The following CHN1 variants were observed in gnomAD, a reference collection of about 807,000 sequenced individuals.
CHN1 encodes chimerin 1.
A neutral mutation model predicts 59.5 loss-of-function variants in CHN1; 37 were observed. That is an observed-to-expected ratio of 0.62 (90% CI 0.48 to 0.82). The LOEUF (loss-of-function observed/expected upper bound fraction) is 0.82. CHN1 is among the 40% of genes least tolerant of loss of function. The probability of loss-of-function intolerance (pLI) is 0.00; values close to 1 mark genes in which losing one functional copy is unlikely to be tolerated. For synonymous variants in CHN1, 206 were observed against 200.4 expected (o/e 1.03, Z -0.24); for missense variants, 469 against 571.0 (o/e 0.82, Z 1.82).
At chr2:174,803,049 TA>T (rs772677989) in intron 11 of CHN1, among the ~76,000 whole-genome samples, 1 of 151,544 alleles carries the variant, frequency 6.6e-6, no homozygotes, top group African/African-American at 2.4e-5. Context: ...GGGGGGGAAT[TA>T]AAAAAAGGTG....
At chr2:174,941,023 T>C (rs997036779) in intron 3 of CHN1, among the ~76,000 whole-genome samples, 6 of 152,170 alleles carry the variant, frequency 3.9e-5, no homozygotes, top group African/African-American at 1.2e-4. Flanking sequence ...CAAAGTGAGT[T>C]TTTTTTAATT....
At chr2:174,987,107 A>G (rs1691374658) in intron 1 of CHN1, among the ~76,000 whole-genome samples, 1 of 152,214 alleles carries the variant, frequency 6.6e-6, no homozygotes, top group Non-Finnish European at 1.5e-5. Context: ...TACAATACAT[A>G]TAACACAAAA....
chr2:174,810,735 CCT>C (rs1338904691), intron 10 of CHN1, among the ~76,000 whole-genome samples: 1 of 152,204 alleles, frequency 6.6e-6, no homozygotes, highest in Non-Finnish European at 1.5e-5. Context: ...TTGCTTTCTG[CCT>C]CTGTTGCCTA....
At chr2:174,993,945 C>T (rs1011639589) in intron 1 of CHN1, among the ~76,000 whole-genome samples, 1 of 152,092 alleles carries the variant, frequency 6.6e-6, no homozygotes, top group Non-Finnish European at 1.5e-5. Context: ...CTGTAGCAGA[C>T]AAATTAATGA....
intron 6 of CHN1, among the ~76,000 whole-genome samples, chr2:174,873,338 G>A (rs1687467824): frequency 6.6e-6 from 1 of 152,060 alleles, no homozygotes; most frequent in Admixed American, 6.6e-5. Flanking sequence ...CATGAACAAG[G>A]AATGACAAAA....
chr2:174,820,701 G>A (rs13019245), intron 8 of CHN1, among the ~76,000 whole-genome samples: 6,035 of 152,234 alleles, frequency 0.04, 164 homozygotes, highest in Middle Eastern at 0.078. Flanking sequence ...TCATCGCTGC[G>A]GTGTGCTTAG....
At chr2:174,919,606 T>C (rs894284540) in intron 3 of CHN1, among the ~76,000 whole-genome samples, 2 of 152,222 alleles carry the variant, frequency 1.3e-5, no homozygotes, top group Non-Finnish European at 2.9e-5. Context: ...TCACTTTATT[T>C]TTCTGGGCAA....
chr2:174,994,977 C>T (rs1303669540), intron 1 of CHN1, among the ~76,000 whole-genome samples: 1 of 152,072 alleles, frequency 6.6e-6, no homozygotes, highest in Non-Finnish European at 1.5e-5. Context: ...CGATTACAGA[C>T]TCTCATATAA....
At chr2:174,894,958 C>A (rs1016166641) in intron 5 of CHN1, among the ~76,000 whole-genome samples, 1 of 151,968 alleles carries the variant, frequency 6.6e-6, no homozygotes. Context: ...CTTTATCCAG[C>A]ATATCCATTT....
chr2:174,971,182 G>A (rs1275813972), intron 1 of CHN1, among the ~76,000 whole-genome samples: 1 of 152,134 alleles, frequency 6.6e-6, no homozygotes, highest in Non-Finnish European at 1.5e-5. Context: ...GCCGAGCATG[G>A]TGGTGGGTGC....
intron 5 of CHN1, among the ~76,000 whole-genome samples, chr2:174,906,539 A>G (rs1688548993): frequency 6.6e-6 from 1 of 152,208 alleles, no homozygotes; most frequent in South Asian, 2.1e-4. Flanking sequence ...AATTTTGTGA[A>G]TGTACCAAAA....
At chr2:174,973,208 C>A (rs1690814761) in intron 1 of CHN1, among the ~76,000 whole-genome samples, 2 of 152,152 alleles carry the variant, frequency 1.3e-5, no homozygotes, top group South Asian at 4.2e-4. Flanking sequence ...AATCTGCATG[C>A]CTCCTTCCTA....
chr2:174,919,103 A>G (rs1688929856), intron 3 of CHN1, among the ~76,000 whole-genome samples: 2 of 152,226 alleles, frequency 1.3e-5, no homozygotes, highest in Non-Finnish European at 2.9e-5. Context: ...ACAGGAAGAT[A>G]GACAGCATTC....
At chr2:174,955,359 C>A (rs896599114) in intron 1 of CHN1, among the ~76,000 whole-genome samples, 2 of 151,636 alleles carry the variant, frequency 1.3e-5, no homozygotes, top group Admixed American at 1.3e-4. Context: ...AATTGGAGAC[C>A]ATTATTTTAA....
intron 5 of CHN1, among the ~76,000 whole-genome samples, chr2:174,879,428 T>A (rs1419286700): frequency 2.0e-5 from 3 of 152,224 alleles, no homozygotes; most frequent in Admixed American, 6.5e-5. Flanking sequence ...AATTTATCCA[T>A]CCTTTAGTAA....
At chr2:174,805,907 A>AG (rs1274119385) in intron 11 of CHN1, among the ~76,000 whole-genome samples, 3 of 152,188 alleles carry the variant, frequency 2.0e-5, no homozygotes, top group Admixed American at 2.0e-4. Context: ...GTTGATCTCA[A>AG]GGTTACACAC....
rs76741492 is a variant in CHN1, at chr2:174,975,964, C to CA, written c.20-23763dup. On this transcript the variant is annotated intron_variant, in intron 1 of 12. Transcript: ENST00000409900. The stretch of plus-strand genomic sequence containing the variant: ...GTGAAACCCCGTCTCTGCTAAAATA[C>CA]AAAAAAAAAAAATTAGCCGGGCATG... 2.2e-4 allele frequency among the ~76,000 whole-genome samples: 32 copies of CA among 144,852 alleles called. 1 individual carries two copies. Among genetic ancestry groups the CA allele is most frequent in the Admixed American group, 7.5e-4 (11 of 14,624 alleles).
Position 174,915,151 on chromosome 2 carries a change from C to G in CHN1, c.167G>C (p.Arg56Thr). 2 of 1,610,962 alleles carry G rather than the reference C, an allele frequency of 1.2e-6. No individual in the cohort carries two copies. Among genetic ancestry groups the G allele is most frequent in the Admixed American group, 3.3e-5 (2 of 59,732 alleles). The change falls in exon 5 of 13, where the codon AGA becomes ACA. Residue 56 changes from arginine to threonine, a missense_variant. Coordinates refer to ENST00000409900, the MANE Select transcript of CHN1 (RefSeq NM_001822.7). ...YGREFHGMIS[R>T]EAADQLLIVA... ...AATCAAGAGCTGGTCGGCTGCTTCT[C>G]TGGAGATCATGCCATGAAACCTAAG...
chr2:174,968,479 CTAAAG>C (rs2105434963), intron 1 of CHN1, among the ~76,000 whole-genome samples: 1 of 152,352 alleles, frequency 6.6e-6, no homozygotes, highest in Admixed American at 6.5e-5. Flanking sequence ...GTTAACTATC[CTAAAG>C]TATAGTAAAA....
Sources: gnomAD v4.1 joint callset for allele counts (sites outside exome capture counted in the v4.1 genomes callset) on GRCh38, gnomAD v4.1.1 for gene constraint, MANE v1.5 for transcripts, NCBI Gene and HGNC (gene_info 2026-07-23, HGNC 2026-07-21) for gene names.